Variants in NAA16 observed in about 807,000 individuals in gnomAD.
NAA16 encodes the protein N-alpha-acetyltransferase 16, NatA auxiliary subunit.
Under a neutral mutation model 110.3 loss-of-function variants are expected in NAA16, and 97 were observed. The observed-to-expected ratio is 0.88, with a 90% CI of 0.75 to 1.04. The LOEUF is 1.04. Ranked by LOEUF, NAA16 falls within the 50% of genes least tolerant of loss-of-function variation. The pLI is 0.00. For synonymous variants in NAA16, 372 were observed against 330.6 expected, an observed-to-expected ratio of 1.13 and a Z score of -1.36; for missense variants, 1,017 against 1,005.1, an observed-to-expected ratio of 1.01 and a Z score of -0.16.
chr13:41,368,965 G>T, intron 14 of NAA16, 125 bp from the exon 15 acceptor site: 1 of 679,226 alleles, frequency 1.5e-6, no homozygotes, highest in Non-Finnish European at 2.4e-6. Flanking sequence ...CTTTGTGGGG[G>T]TGGGGGTCAT....
At chr13:41,350,612 T>G (rs1433687255) in intron 9 of NAA16, among the ~76,000 whole-genome samples, 1 of 18,230 alleles carries the variant, frequency 5.5e-5, no homozygotes, top group East Asian at 3.3e-3. Flanking sequence ...TTTTTGTTTT[T>G]TTTTTTTGTT....
chr13:41,312,476 C>T lies in NAA16; in HGVS notation c.54+894C>T, dbSNP rs1269862807. Among the ~76,000 whole-genome samples the T allele has an allele frequency of 5.3e-5, 8 of 152,024 alleles. No individual in the cohort carries two copies. In the Admixed American group the frequency reaches 5.3e-4, roughly 10 times the overall value. ...AGAAGAGGCAGCATTCCTTTGCTTT[C>T]CTCAGTATCCTCTGGCTACCCTAGG... On this transcript the variant is annotated intron_variant, in intron 1 of 19. Transcript: ENST00000379406.
chr13:41,340,018 A>G (rs1475216018), intron 9 of NAA16, among the ~76,000 whole-genome samples: 1 of 152,170 alleles, frequency 6.6e-6, no homozygotes, highest in African/African-American at 2.4e-5. Context: ...ATAAACTCTG[A>G]TATCAAGGTG....
intron 14 of NAA16, among the ~76,000 whole-genome samples, chr13:41,368,587 C>T (rs1014641702): frequency 6.6e-6 from 1 of 151,618 alleles, no homozygotes; most frequent in African/African-American, 2.4e-5. Context: ...CTTGCCCAGA[C>T]AAAAAACAGA....
intron 7 of NAA16, among the ~76,000 whole-genome samples, chr13:41,330,547 A>C (rs1370431513): frequency 1.3e-5 from 2 of 152,048 alleles, no homozygotes; most frequent in Non-Finnish European, 2.9e-5. Flanking sequence ...ATTGCTTATA[A>C]ATCTCTTTGT....
At chr13:41,346,886 A>G (rs1306314813) in intron 9 of NAA16, among the ~76,000 whole-genome samples, 1 of 152,154 alleles carries the variant, frequency 6.6e-6, no homozygotes, top group Non-Finnish European at 1.5e-5. Flanking sequence ...CCAGTGCCAT[A>G]CTGTCTTGCT....
intron 18 of NAA16, 192 bp from the exon 19 acceptor site, chr13:41,374,550 T>C (rs1277800685): frequency 6.5e-6 from 3 of 464,734 alleles, no homozygotes; most frequent in Non-Finnish European, 1.1e-5. Flanking sequence ...GATCATGGCC[T>C]ATCAATGGGA....
intron 3 of NAA16, among the ~76,000 whole-genome samples, 192 bp from the exon 4 acceptor site, chr13:41,320,475 T>C (rs892571124): frequency 6.6e-6 from 1 of 152,180 alleles, no homozygotes; most frequent in African/African-American, 2.4e-5. Context: ...GGTTCAGCAA[T>C]TTGACAATTA....
chr13:41,342,291 C>T (rs1288023393), intron 9 of NAA16, among the ~76,000 whole-genome samples: 10 of 152,142 alleles, frequency 6.6e-5, no homozygotes, highest in Admixed American at 6.5e-4. Context: ...GCGCACACTG[C>T]CATGCCTGGC....
chr13:41,372,848 C>G lies in NAA16; in HGVS notation c.2155+18C>G. ...TAAATCTGGTAAGTATAAAAAAGGA[C>G]CATATTTACATTTGTGAATTATTTC... On this transcript the variant is annotated intron_variant, in intron 17 of 19. Coordinates refer to ENST00000379406, the MANE Select transcript of NAA16 (RefSeq NM_024561.5). 6.6e-7 allele frequency: 1 copy of G among 1,504,110 alleles called. No individual in the cohort carries two copies. Among genetic ancestry groups the G allele is most frequent in the Non-Finnish European group, 9.0e-7 (1 of 1,117,124 alleles). The allele number at this position is 1,504,110 out of a possible 1,614,324, so 93.2% of individuals were successfully genotyped here.
At chr13:41,313,561 C>T (rs544891652) in intron 1 of NAA16, among the ~76,000 whole-genome samples, 48 of 152,272 alleles carry the variant, frequency 3.2e-4, no homozygotes, top group African/African-American at 1.1e-3. Context: ...AGTGCTTTGC[C>T]ACCAACAGTA....
intron 6 of NAA16, among the ~76,000 whole-genome samples, chr13:41,327,470 C>A (rs76351193): frequency 1.3e-3 from 160 of 125,588 alleles, no homozygotes; most frequent in African/African-American, 4.1e-3. Context: ...AAAAAAAAAA[C>A]AAATAGGGAA....
chr13:41,373,810 C>T, intron 18 of NAA16, 30 bp downstream of exon 18: 3 of 1,558,950 alleles, frequency 1.9e-6, no homozygotes, highest in Non-Finnish European at 2.6e-6. Flanking sequence ...GGTTAAAATA[C>T]TTATGGAAAA....
intron 6 of NAA16, among the ~76,000 whole-genome samples, chr13:41,327,595 A>G (rs2042126904): frequency 6.6e-6 from 1 of 152,076 alleles, no homozygotes; most frequent in Non-Finnish European, 1.5e-5. Context: ...CCGTGAATGC[A>G]TTCCTCTAGT....
chr13:41,311,358 C>T lies in NAA16; in HGVS notation c.-171C>T. ...CTCAGACCGCCTTCCTTCTCCATTG[C>T]CACCCGTGCCGAACAGCCAGGCTGC... is the stretch of plus-strand genomic sequence containing the variant. On this transcript the variant is annotated 5_prime_UTR_variant, in exon 1 of 20. Transcript: ENST00000379406. 1.6e-6 allele frequency: 1 copy of T among 623,292 alleles called. No homozygotes were observed. The highest frequency in any genetic ancestry group is 2.8e-6 in the Non-Finnish European group (1 of 358,060). 38.6% of individuals were successfully genotyped at this position (623,292 alleles called of 1,614,324 possible).
intron 10 of NAA16, among the ~76,000 whole-genome samples, chr13:41,356,048 A>C (rs1004314506): frequency 2.6e-5 from 4 of 152,128 alleles, no homozygotes; most frequent in African/African-American, 9.7e-5. Flanking sequence ...AGGGGATCTC[A>C]CTGTGTTGCG....
Position 41,345,567 on chromosome 13 carries a change from G to T in NAA16, c.1014+8811G>T, listed in dbSNP as rs1007276639. 5.3e-5 allele frequency among the ~76,000 whole-genome samples: 8 copies of T among 151,990 alleles called. No individual in the cohort carries two copies. In the East Asian group the frequency reaches 5.8e-4, roughly 11 times the overall value. On this transcript the variant is annotated intron_variant, in intron 9 of 19. Transcript: ENST00000379406. ...TTTAAGGAAGTTTTGTTTTTGTGGG[G>T]TTTTTTTAGGTTTTTTCGTTGTTTG...
Position 41,328,768 on chromosome 13 carries a change from G to A in NAA16, c.736G>A (p.Val246Met), listed in dbSNP as rs752300946. 5 of 1,608,852 alleles carry A rather than the reference G, an allele frequency of 3.1e-6. No individual in the cohort carries two copies. The East Asian group carries it at 1.1e-4, about 36-fold the overall frequency. Residue 246 changes from valine (V) to methionine (M), a missense_variant, in exon 7 of 20, where the codon GTG becomes ATG. By Grantham distance (21) the Val-to-Met change is conservative (BLOSUM62 1). Coordinates refer to ENST00000379406, the MANE Select transcript of NAA16 (RefSeq NM_024561.5). ...KLGRLKEASE[V>M]FKNLIDRNAE... The stretch of plus-strand genomic sequence containing the variant: ...GGGAAGATTAAAAGAAGCCAGTGAA[G>A]TGTTCAAAAACTTGATTGATCGAAA...
At chr13:41,358,593 C>G in intron 11 of NAA16, 120 bp downstream of exon 11, 1 of 1,476,968 alleles carries the variant, frequency 6.8e-7, no homozygotes, top group East Asian at 2.5e-5. Flanking sequence ...TCTAATAATC[C>G]TGTGTAGTTT....
Sources: gnomAD v4.1 joint callset for allele counts (sites outside exome capture counted in the v4.1 genomes callset) on GRCh38, gnomAD v4.1.1 for gene constraint, MANE v1.5 for transcripts, NCBI Gene and HGNC (gene_info 2026-07-23, HGNC 2026-07-21) for gene names.